ASTN1: variants seen among roughly 807,000 people sequenced by gnomAD.
ASTN1 encodes astrotactin-1.
A neutral mutation model predicts 140.7 loss-of-function variants in ASTN1; 41 were observed. That is an observed-to-expected ratio of 0.29 (90% confidence interval 0.23 to 0.38). The LOEUF is 0.38. Ranked by LOEUF, ASTN1 falls within the 10% of genes least tolerant of loss-of-function variation. The pLI, the probability that ASTN1 is intolerant of heterozygous loss-of-function variation, is 1.00. For synonymous variants in ASTN1, 640 were observed against 652.2 expected (o/e 0.98, Z 0.29); for missense variants, 1,479 against 1,678.8 (o/e 0.88, Z 2.08).
intron 1 of ASTN1, among the ~76,000 whole-genome samples, chr1:177,122,411 T>C (rs1190635188): frequency 3.3e-5 from 5 of 152,170 alleles, no homozygotes; most frequent in Non-Finnish European, 2.9e-5. Flanking sequence ...AGCTGAGCAG[T>C]GATGGCTCAA....
intron 22 of ASTN1, among the ~76,000 whole-genome samples, chr1:176,868,598 C>T (rs559276149): frequency 6.6e-6 from 1 of 152,084 alleles, no homozygotes; most frequent in South Asian, 2.1e-4. Flanking sequence ...AAAAGGAGGG[C>T]AAAATAGGTC....
At chr1:177,022,296 A>AG (rs754666075) in intron 7 of ASTN1, among the ~76,000 whole-genome samples, 5 of 152,148 alleles carry the variant, frequency 3.3e-5, no homozygotes, top group Non-Finnish European at 7.4e-5. Flanking sequence ...AAAAAGCTTC[A>AG]GGGTTTGGGC....
intron 1 of ASTN1, among the ~76,000 whole-genome samples, chr1:177,161,648 A>C (rs923225465): frequency 1.3e-5 from 2 of 152,246 alleles, no homozygotes; most frequent in Non-Finnish European, 2.9e-5. Flanking sequence ...GGGCTGGAGA[A>C]GTTGGCTGCA....
In ASTN1 at chr1:177,077,458, C is replaced by T. The variant is rs570573459; in HGVS notation, c.284-16193G>A. On this transcript the variant is annotated intron_variant, in intron 1 of 22. Coordinates refer to ENST00000361833, the MANE Select transcript of ASTN1 (RefSeq NM_004319.3). ...CTACTTCATACTAGCTTGTCTTGAACGGGTTATTTAAGCCCAATAAGGATT... is the reference window on the plus strand; with the variant it reads ...CTACTTCATACTAGCTTGTCTTGAATGGGTTATTTAAGCCCAATAAGGATT... Among the ~76,000 whole-genome samples the T allele has an allele frequency of 2.3e-4, 35 of 152,218 alleles. No individual in the cohort carries two copies. The South Asian group carries it at 4.8e-3, about 21-fold the overall frequency.
intron 1 of ASTN1, among the ~76,000 whole-genome samples, chr1:177,141,738 G>C (rs1442810041): frequency 6.6e-6 from 1 of 152,148 alleles, no homozygotes; most frequent in Non-Finnish European, 1.5e-5. Context: ...CAACTGCCTG[G>C]CTCTTATCTC....
At chr1:177,064,723 C>T (rs1199265119) in intron 1 of ASTN1, among the ~76,000 whole-genome samples, 2 of 152,204 alleles carry the variant, frequency 1.3e-5, no homozygotes, top group African/African-American at 4.8e-5. Context: ...CCATGCCTAC[C>T]AAGGGTGCCC....
chr1:176,879,723 T>G (rs1375276873), intron 20 of ASTN1, among the ~76,000 whole-genome samples: 1 of 152,254 alleles, frequency 6.6e-6, no homozygotes, highest in Admixed American at 6.5e-5. Flanking sequence ...AAAATTTAAG[T>G]TCTCCAGCTC....
intron 2 of ASTN1, among the ~76,000 whole-genome samples, chr1:177,052,884 G>C (rs941422605): frequency 1.3e-5 from 2 of 152,198 alleles, no homozygotes; most frequent in Non-Finnish European, 2.9e-5. Context: ...GCAGAGTCAA[G>C]TTTGGAGTCA....
chr1:177,113,174 G>A (rs963414278), intron 1 of ASTN1, among the ~76,000 whole-genome samples: 13 of 152,028 alleles, frequency 8.6e-5, no homozygotes, highest in Non-Finnish European at 1.9e-4. Flanking sequence ...AGGGAGGCAC[G>A]GGGGCAGTCA....
chr1:176,937,183 T>C (rs887995256), intron 14 of ASTN1, among the ~76,000 whole-genome samples: 2 of 152,226 alleles, frequency 1.3e-5, no homozygotes, highest in Non-Finnish European at 2.9e-5. Flanking sequence ...TCAGCCCACA[T>C]ACCTGATAAC....
intron 1 of ASTN1, among the ~76,000 whole-genome samples, chr1:177,093,750 A>T (rs1159288821): frequency 6.6e-6 from 1 of 152,220 alleles, no homozygotes; most frequent in Non-Finnish European, 1.5e-5. Context: ...ACACAAAAGA[A>T]ATATCAACAA....
intron 1 of ASTN1, among the ~76,000 whole-genome samples, chr1:177,125,769 T>C (rs922210012): frequency 2.0e-5 from 3 of 152,222 alleles, no homozygotes; most frequent in African/African-American, 4.8e-5. Context: ...AATTTCCTCA[T>C]AGTTGCCGAT....
chr1:177,054,396 T>G (rs1344914239), intron 2 of ASTN1, among the ~76,000 whole-genome samples: 1 of 152,214 alleles, frequency 6.6e-6, no homozygotes, highest in Non-Finnish European at 1.5e-5. Context: ...TAACATCTCC[T>G]AACATCTCTA....
intron 17 of ASTN1, among the ~76,000 whole-genome samples, chr1:176,891,789 G>A (rs11805963): frequency 0.16 from 25,017 of 151,912 alleles, 2,564 homozygotes; most frequent in Middle Eastern, 0.27. Flanking sequence ...GCAAAACTCC[G>A]TCTCAAAAAA....
intron 7 of ASTN1, among the ~76,000 whole-genome samples, chr1:177,021,933 A>C (rs1049483157): frequency 5.3e-5 from 8 of 152,326 alleles, no homozygotes; most frequent in African/African-American, 1.9e-4. Context: ...CATGGTACAC[A>C]GCCCATCTGT....
intron 8 of ASTN1, among the ~76,000 whole-genome samples, chr1:176,988,110 A>G (rs758009842): frequency 2.6e-5 from 4 of 152,194 alleles, no homozygotes; most frequent in East Asian, 1.9e-4. Context: ...AAGGAAATTC[A>G]TGAACAAATA....
chr1:176,990,738 C>T (rs1243758784), intron 8 of ASTN1, among the ~76,000 whole-genome samples: 2 of 152,220 alleles, frequency 1.3e-5, no homozygotes, highest in East Asian at 3.9e-4. Flanking sequence ...AGGGTGCTTT[C>T]TCCAATCCAA....
intron 7 of ASTN1, among the ~76,000 whole-genome samples, chr1:177,018,822 A>T (rs1486573367): frequency 2.0e-5 from 3 of 152,194 alleles, no homozygotes; most frequent in Non-Finnish European, 2.9e-5. Context: ...ATAACAAAAA[A>T]ACCCTTGCAA....
intron 1 of ASTN1, among the ~76,000 whole-genome samples, chr1:177,095,456 G>A (rs1028156931): frequency 5.3e-5 from 8 of 152,146 alleles, no homozygotes; most frequent in African/African-American, 1.7e-4. Context: ...GGCCTGGAGG[G>A]AAGAACAATT....
Sources: gnomAD v4.1 joint callset for allele counts (sites outside exome capture counted in the v4.1 genomes callset) on GRCh38, gnomAD v4.1.1 for gene constraint, MANE v1.5 for transcripts, NCBI Gene and HGNC (gene_info 2026-07-23, HGNC 2026-07-21) for gene names.